LEKR1: variants seen among roughly 807,000 people sequenced by gnomAD.
The protein encoded by LEKR1 is leucine, glutamate and lysine rich 1.
A neutral mutation model predicts 72.4 loss-of-function variants in LEKR1; 59 were observed. The ratio of observed to expected loss-of-function variants is 0.82; its 90% CI spans 0.66 to 1.01. The LOEUF (loss-of-function observed/expected upper bound fraction) is 1.01, where lower values mean the gene tolerates loss of function less well. Ranked by LOEUF, LEKR1 falls within the 50% of genes least tolerant of loss-of-function variation. The probability of loss-of-function intolerance (pLI) is 0.00; values close to 1 mark genes in which losing one functional copy is unlikely to be tolerated. For missense variants in LEKR1, 728 were observed against 759.2 expected (o/e 0.96, Z 0.48); for synonymous variants, 257 against 263.2 (o/e 0.98, Z 0.23).
At chr3:156,983,972 T>A (rs1215539430) in intron 7 of LEKR1, among the ~76,000 whole-genome samples, 1 of 152,032 alleles carries the variant, frequency 6.6e-6, no homozygotes, top group Non-Finnish European at 1.5e-5. Context: ...CAGAAAATCC[T>A]TAACACCCTA....
At chr3:156,980,461 T>C (rs560174867) in intron 7 of LEKR1, among the ~76,000 whole-genome samples, 16 of 151,926 alleles carry the variant, frequency 1.1e-4, no homozygotes, top group African/African-American at 3.9e-4. Context: ...ATGGCTGGGG[T>C]TGAAGGAATT....
intron 3 of LEKR1, among the ~76,000 whole-genome samples, chr3:156,914,668 T>C (rs1447503699): frequency 6.6e-6 from 1 of 152,206 alleles, no homozygotes. Flanking sequence ...ATATGTCATA[T>C]TTAGTTATTA....
intron 3 of LEKR1, among the ~76,000 whole-genome samples, chr3:156,862,121 A>G (rs1405678989): frequency 6.6e-6 from 1 of 152,082 alleles, no homozygotes; most frequent in Non-Finnish European, 1.5e-5. Flanking sequence ...TATTACCAGC[A>G]TAACTTTGAA....
At chr3:156,838,773 T>C (rs1713497710) in intron 2 of LEKR1, among the ~76,000 whole-genome samples, 1 of 152,054 alleles carries the variant, frequency 6.6e-6, no homozygotes, top group Non-Finnish European at 1.5e-5. Flanking sequence ...AATTCCAACA[T>C]ACTGGTGGGG....
At chr3:156,907,712 C>G (rs1330925862) in intron 3 of LEKR1, among the ~76,000 whole-genome samples, 1 of 152,104 alleles carries the variant, frequency 6.6e-6, no homozygotes, top group Non-Finnish European at 1.5e-5. Flanking sequence ...AGATACACAA[C>G]TTCCCACAAT....
At chr3:156,899,501 TACATGTATATATACATAC>T (rs1721668482) in intron 3 of LEKR1, among the ~76,000 whole-genome samples, 1 of 119,338 alleles carries the variant, frequency 8.4e-6, no homozygotes, top group African/African-American at 4.0e-5. Flanking sequence ...TACACATATA[TACATGTATATATACATAC>T]ATACATATAT....
intron 7 of LEKR1, among the ~76,000 whole-genome samples, chr3:156,981,742 G>A (rs1044848916): frequency 9.9e-5 from 15 of 152,242 alleles, no homozygotes; most frequent in African/African-American, 3.4e-4. Flanking sequence ...TGAGGCTAGA[G>A]TCAAATGTGT....
At chr3:156,921,402 G>C (rs1441781888) in intron 4 of LEKR1, among the ~76,000 whole-genome samples, 1 of 151,984 alleles carries the variant, frequency 6.6e-6, no homozygotes, top group Non-Finnish European at 1.5e-5. Flanking sequence ...ATTATTACCA[G>C]GAATATTCTG....
At chr3:157,013,456 T>C (rs1009568399) in intron 10 of LEKR1, among the ~76,000 whole-genome samples, 1 of 152,154 alleles carries the variant, frequency 6.6e-6, no homozygotes, top group Non-Finnish European at 1.5e-5. Flanking sequence ...TTTATGCTAG[T>C]AAGTTAATTT....
chr3:156,899,404 A>G (rs1576775088), intron 3 of LEKR1, among the ~76,000 whole-genome samples: 1 of 81,952 alleles, frequency 1.2e-5, no homozygotes. Context: ...ATATATACAT[A>G]TATACATATA....
At chr3:156,899,609 TAC>T (rs1220097367) in intron 3 of LEKR1, among the ~76,000 whole-genome samples, 2 of 140,746 alleles carry the variant, frequency 1.4e-5, no homozygotes, top group Admixed American at 7.3e-5. Flanking sequence ...TACGTATATA[TAC>T]ACACATATAT....
intron 3 of LEKR1, among the ~76,000 whole-genome samples, chr3:156,919,794 T>A (rs1724020551): frequency 6.6e-6 from 1 of 152,186 alleles, no homozygotes; most frequent in African/African-American, 2.4e-5. Context: ...CGTTGTGAGT[T>A]AGTGTTACCA....
chr3:156,917,210 A>C (rs748862629), intron 3 of LEKR1, among the ~76,000 whole-genome samples: 1 of 152,130 alleles, frequency 6.6e-6, no homozygotes, highest in East Asian at 1.9e-4. Context: ...GAAAGTTAAA[A>C]GTGGTAAAAT....
At chr3:156,936,043 C>T (rs1013227634) in intron 5 of LEKR1, among the ~76,000 whole-genome samples, 1 of 151,928 alleles carries the variant, frequency 6.6e-6, no homozygotes, top group Non-Finnish European at 1.5e-5. Context: ...TTTACAGTCA[C>T]TCTTAATCCT....
chr3:156,897,467 G>A (rs958437922), intron 3 of LEKR1, among the ~76,000 whole-genome samples: 2 of 151,620 alleles, frequency 1.3e-5, no homozygotes, highest in African/African-American at 4.9e-5. Context: ...AGGGAGGCAT[G>A]AGACATCAAT....
chr3:156,876,891 C>T (rs780431034), intron 3 of LEKR1, among the ~76,000 whole-genome samples: 120 of 152,252 alleles, frequency 7.9e-4, no homozygotes, highest in Non-Finnish European at 1.1e-3. Context: ...ATCATCCTTG[C>T]TTTGTTCCAG....
chr3:157,045,879 T>G lies in LEKR1; in HGVS notation c.*129T>G. On this transcript the variant is annotated 3_prime_UTR_variant, in exon 13 of 13. Coordinates refer to ENST00000356539, the MANE Select transcript of LEKR1 (RefSeq NM_001004316.3). ...GATCAGGAAGGCATACCTATAGATG[T>G]ATTTAACAAAAGACTGTAAAAAGCT... The G allele has an allele frequency of 1.2e-6, 1 of 832,900 alleles. No individual in the cohort carries two copies. The highest frequency in any genetic ancestry group is 1.8e-6 in the Non-Finnish European group (1 of 551,012). The allele number at this position is 832,900 out of a possible 1,614,324, so 51.6% of individuals were successfully genotyped here.
Position 156,877,040 on chromosome 3 carries a change from G to A in LEKR1, c.263+24058G>A, listed in dbSNP as rs545900314. Reference sequence around the variant, plus strand: ...AGAATTTTAGTCATAAAAGGATGCTGGGTTTTGTCAAATGTGTTTTCTGCA... The same window carrying A: ...AGAATTTTAGTCATAAAAGGATGCTAGGTTTTGTCAAATGTGTTTTCTGCA... On this transcript the variant is annotated intron_variant, in intron 3 of 12. Coordinates refer to ENST00000356539, the MANE Select transcript of LEKR1 (RefSeq NM_001004316.3). Among the ~76,000 whole-genome samples, 282 of 152,186 alleles carry A rather than the reference G, an allele frequency of 1.9e-3. 2 individuals carry two copies. Among genetic ancestry groups the A allele is most frequent in the African/African-American group, 6.6e-3 (274 of 41,516 alleles).
In LEKR1 at chr3:156,924,186, G is replaced by A. The variant is rs1046617363; in HGVS notation, c.384-3243G>A. Among the ~76,000 whole-genome samples the A allele has an allele frequency of 5.3e-5, 8 of 152,290 alleles. No individual in the cohort carries two copies. The South Asian group carries it at 8.3e-4, about 16-fold the overall frequency. On this transcript the variant is annotated intron_variant, in intron 4 of 12. Coordinates refer to ENST00000356539, the MANE Select transcript of LEKR1 (RefSeq NM_001004316.3). ...TAGTCATTCTAGTGGGTGTAAAATA[G>A]TATCTCATTGTAGCTTTGATTTGTG...
Sources: gnomAD v4.1 joint callset for allele counts (sites outside exome capture counted in the v4.1 genomes callset) on GRCh38, gnomAD v4.1.1 for gene constraint, MANE v1.5 for transcripts, NCBI Gene and HGNC (gene_info 2026-07-23, HGNC 2026-07-21) for gene names.